The following RIMS1 variants were observed in gnomAD, a reference collection of about 807,000 sequenced individuals.
RIMS1 encodes the protein regulating synaptic membrane exocytosis 1.
RIMS1 carries 83 observed loss-of-function variants against 214.1 expected under a neutral mutation model. The observed-to-expected ratio is 0.39, with a 90% CI of 0.32 to 0.47. The LOEUF is 0.47. Among genes scored for constraint, RIMS1 ranks in the 20% least tolerant of loss-of-function variants. The pLI, the probability that RIMS1 is intolerant of heterozygous loss-of-function variation, is 0.99. For synonymous variants in RIMS1, 793 were observed against 786.8 expected, an observed-to-expected ratio of 1.01 and a Z score of -0.13; for missense variants, 2,050 against 2,161.8, an observed-to-expected ratio of 0.95 and a Z score of 1.03.
intron 2 of RIMS1, among the ~76,000 whole-genome samples, chr6:72,045,862 T>A (rs9446554): frequency 6.6e-6 from 1 of 151,416 alleles, no homozygotes; most frequent in Non-Finnish European, 1.5e-5. Context: ...GTCTTTGTAT[T>A]ATTTATTGGT....
intron 1 of RIMS1, among the ~76,000 whole-genome samples, chr6:71,931,545 C>G (rs1436577560): frequency 6.6e-6 from 1 of 151,818 alleles, no homozygotes; most frequent in Non-Finnish European, 1.5e-5. Flanking sequence ...GAGACAAGGT[C>G]TTTTGAAAAG....
At chr6:72,274,824 T>G (rs1249417153) in intron 23 of RIMS1, among the ~76,000 whole-genome samples, 4 of 152,124 alleles carry the variant, frequency 2.6e-5, no homozygotes, top group Non-Finnish European at 2.9e-5. Flanking sequence ...TTATCTCAGT[T>G]GTCTTGTTTT....
At chr6:72,360,753 C>G (rs1439830764) in intron 29 of RIMS1, among the ~76,000 whole-genome samples, 3 of 149,504 alleles carry the variant, frequency 2.0e-5, no homozygotes, top group Non-Finnish European at 4.4e-5. Context: ...GTCCAGCTAT[C>G]TAAAAAAGAT....
intron 29 of RIMS1, chr6:72,365,836 A>G (rs1480357077): frequency 6.6e-6 from 1 of 152,254 alleles, no homozygotes; most frequent in Non-Finnish European, 1.5e-5. Flanking sequence ...TGTTGTTTCC[A>G]TATTCCTTCC....
chr6:72,263,047 T>A (rs1208223268), intron 19 of RIMS1: 1 of 908,842 alleles, frequency 1.1e-6, no homozygotes, highest in Non-Finnish European at 1.3e-6. Context: ...CAAAATCAGA[T>A]CTATTTGATA....
chr6:71,911,490 C>T lies in RIMS1; in HGVS notation c.164+24303C>T, dbSNP rs1175669806. On this transcript the variant is annotated intron_variant, in intron 1 of 33. Transcript: ENST00000521978. The stretch of plus-strand genomic sequence containing the variant: ...GCTTGTATGATGCAGATGGATTGTC[C>T]TTGTGGTCACTTGGCAATAGTAAAG... Among the ~76,000 whole-genome samples the T allele has an allele frequency of 4.6e-5, 7 of 152,246 alleles. No homozygotes were observed. The East Asian group carries it at 1.4e-3, about 29-fold the overall frequency.
intron 2 of RIMS1, among the ~76,000 whole-genome samples, chr6:71,988,011 T>C (rs1800533101): frequency 6.6e-6 from 1 of 152,094 alleles, no homozygotes; most frequent in African/African-American, 2.4e-5. Context: ...AAAGTCCATA[T>C]GGTCTGGAAA....
chr6:72,316,612 G>A, intron 28 of RIMS1: 1 of 456,924 alleles, frequency 2.2e-6, no homozygotes, highest in Non-Finnish European at 4.2e-6. Flanking sequence ...GCTGCACCAA[G>A]AGAGCAACCA....
At chr6:72,164,556 A>G (rs2045991573) in intron 4 of RIMS1, among the ~76,000 whole-genome samples, 1 of 152,168 alleles carries the variant, frequency 6.6e-6, no homozygotes. Context: ...ATTTTTCTGT[A>G]GTTTTATTAT....
intron 2 of RIMS1, among the ~76,000 whole-genome samples, chr6:72,000,588 G>T (rs1295162485): frequency 1.3e-5 from 2 of 152,080 alleles, no homozygotes; most frequent in Non-Finnish European, 2.9e-5. Flanking sequence ...TTCTACTGCT[G>T]TTCTATCTTC....
At chr6:72,293,796 G>A (rs768717634) in intron 26 of RIMS1, among the ~76,000 whole-genome samples, 40 of 151,684 alleles carry the variant, frequency 2.6e-4, no homozygotes, top group Non-Finnish European at 4.4e-4. Context: ...TAATATAAAT[G>A]TTACTGTTTA....
chr6:71,952,254 T>C (rs2151143120), intron 1 of RIMS1, among the ~76,000 whole-genome samples: 1 of 152,280 alleles, frequency 6.6e-6, no homozygotes, highest in East Asian at 1.9e-4. Context: ...AGTAACTCTG[T>C]CATTTGGGTG....
chr6:72,290,470 A>G (rs2093199013), intron 24 of RIMS1, among the ~76,000 whole-genome samples: 1 of 152,236 alleles, frequency 6.6e-6, no homozygotes, highest in African/African-American at 2.4e-5. Context: ...AGCAACACCA[A>G]TTAGTCTTTA....
chr6:72,263,734 C>T (rs1004971085), intron 19 of RIMS1: 19 of 984,670 alleles, frequency 1.9e-5, no homozygotes, highest in African/African-American at 1.2e-4. Context: ...GAAGCTGAAG[C>T]GGGCAGATCA....
rs9446512 is a variant in RIMS1 at position 71,948,811 on chromosome 6, C to T, written c.165-20172C>T. ...ACAGGCTGAAGTGACCTGCGAACTC[C>T]TCTGGGCTGTCAGAACAGGGATGCC... On this transcript the variant is annotated intron_variant, in intron 1 of 33. Coordinates refer to ENST00000521978, the MANE Select transcript of RIMS1 (RefSeq NM_014989.7). Among the ~76,000 whole-genome samples, 884 of 152,310 alleles carry T rather than the reference C, an allele frequency of 5.8e-3. 8 individuals carry two copies. The highest frequency in any genetic ancestry group is 0.02 in the African/African-American group (851 of 41,566).
At position 72,251,061 on chromosome 6, in the gene RIMS1, T is replaced by C. The variant is rs1402640828; in HGVS notation, c.2513T>C (p.Val838Ala). 2 of 1,586,014 alleles carry C rather than the reference T, an allele frequency of 1.3e-6. No homozygotes were observed. Among genetic ancestry groups the C allele is most frequent in the Admixed American group, 1.8e-5 (1 of 56,290 alleles). Residue 838 changes from valine to alanine, a missense_variant, in exon 14 of 34, where the codon GTG becomes GCG. Coordinates refer to ENST00000521978, the MANE Select transcript of RIMS1 (RefSeq NM_014989.7). Reference protein sequence around the residue: ...LEITVWDQPRVQEEESEFLGE... With the variant: ...LEITVWDQPRAQEEESEFLGE... ...ATAACTGTGTGGGACCAACCAAGAG[T>C]GCAAGAAGAAGAAAGTGAATTTCTT...
intron 26 of RIMS1, among the ~76,000 whole-genome samples, chr6:72,305,579 T>C (rs2095074426): frequency 1.3e-5 from 2 of 152,174 alleles, no homozygotes; most frequent in Admixed American, 1.3e-4. Flanking sequence ...TCACATTTTC[T>C]ATATTGCATA....
intron 4 of RIMS1, among the ~76,000 whole-genome samples, chr6:72,140,153 A>G (rs1157130720): frequency 6.6e-6 from 1 of 152,156 alleles, no homozygotes; most frequent in African/African-American, 2.4e-5. Context: ...TAATCTATAA[A>G]AGACTGATTT....
At chr6:72,360,931 AG>A (rs2097791578) in intron 29 of RIMS1, among the ~76,000 whole-genome samples, 1 of 148,426 alleles carries the variant, frequency 6.7e-6, no homozygotes, top group African/African-American at 2.5e-5. Context: ...TTTAAGTGGT[AG>A]GTTTTTTTTT....
Sources: gnomAD v4.1 joint callset for allele counts (sites outside exome capture counted in the v4.1 genomes callset) on GRCh38, gnomAD v4.1.1 for gene constraint, MANE v1.5 for transcripts, NCBI Gene and HGNC (gene_info 2026-07-23, HGNC 2026-07-21) for gene names.